PPM1A: variants seen among roughly 807,000 people sequenced by gnomAD.
The protein encoded by PPM1A is protein phosphatase, Mg2+/Mn2+ dependent 1A.
In PPM1A, 7 loss-of-function variants were observed where a neutral mutation model predicts 35.0. The observed-to-expected ratio is 0.20, with a 90% CI of 0.11 to 0.38. The LOEUF is 0.38. PPM1A is among the 10% of genes least tolerant of loss of function. The pLI is 1.00. For synonymous variants in PPM1A, 153 were observed against 167.3 expected, an observed-to-expected ratio of 0.91 and a Z score of 0.66; for missense variants, 239 against 467.8, an observed-to-expected ratio of 0.51 and a Z score of 4.51.
At chr14:60,264,472 A>G (rs867572890) in intron 1 of PPM1A, among the ~76,000 whole-genome samples, 2 of 152,340 alleles carry the variant, frequency 1.3e-5, no homozygotes, top group Middle Eastern at 3.4e-3. Flanking sequence ...TAAAGCACTT[A>G]GAACAGAGCC....
chr14:60,294,093 T>A lies in PPM1A; in HGVS notation c.*1611T>A, dbSNP rs967460982. ...ATTTTGTGTATAAAAACCAGTATAGTCCATTTTGTTATATTTGTTTTTTCC... is the reference window on the plus strand; with the variant it reads ...ATTTTGTGTATAAAAACCAGTATAGACCATTTTGTTATATTTGTTTTTTCC... On this transcript the variant is annotated 3_prime_UTR_variant, in exon 6 of 6. Transcript: ENST00000395076. The A allele has an allele frequency of 4.0e-5, 6 of 151,862 alleles. No individual in the cohort carries two copies. The highest frequency in any genetic ancestry group is 2.0e-4 in the Admixed American group (3 of 15,214). The allele number at this position is 151,862 out of a possible 1,614,324, so 9.4% of individuals were successfully genotyped here.
At chr14:60,277,482 T>C (rs1256533571) in intron 1 of PPM1A, 1 of 152,086 alleles carries the variant, frequency 6.6e-6, no homozygotes, top group Non-Finnish European at 1.5e-5. Context: ...TTTTGTTAGA[T>C]GGTTACTTGG....
rs1887966323 is a variant in PPM1A at position 60,295,229 on chromosome 14, C to A, written c.*2747C>A. 6.6e-6 allele frequency: 1 copy of A among 151,672 alleles called. No individual in the cohort carries two copies. Among genetic ancestry groups the A allele is most frequent in the Non-Finnish European group, 1.5e-5 (1 of 67,724 alleles). 9.4% of individuals were successfully genotyped at this position (151,672 alleles called of 1,614,324 possible). Reference sequence around the variant, plus strand: ...TTTGTATAGCAGGCTCTGTTTTACCCTAACATTAAAAAATTTCACTGATCT... The same window carrying A: ...TTTGTATAGCAGGCTCTGTTTTACCATAACATTAAAAAATTTCACTGATCT... On this transcript the variant is annotated 3_prime_UTR_variant, in exon 6 of 6. Transcript: ENST00000395076.
intron 3 of PPM1A, chr14:60,286,378 A>G (rs1887006360): frequency 2.0e-6 from 2 of 985,596 alleles, no homozygotes; most frequent in African/African-American, 1.7e-5. Context: ...TTTCTGGAGT[A>G]TATTTCTCAT....
At chr14:60,290,419 C>G (rs1036345462) in intron 4 of PPM1A, among the ~76,000 whole-genome samples, 13 of 152,192 alleles carry the variant, frequency 8.5e-5, no homozygotes, top group African/African-American at 3.1e-4. Context: ...GAATATATTT[C>G]TTGTCTTTTC....
At chr14:60,258,218 T>C (rs1883360696) in intron 1 of PPM1A, among the ~76,000 whole-genome samples, 1 of 152,168 alleles carries the variant, frequency 6.6e-6, no homozygotes, top group African/African-American at 2.4e-5. Flanking sequence ...ACTTGTTTTA[T>C]GTAGTAAAAC....
In PPM1A at chr14:60,289,027, T is replaced by G. The variant is rs1353267542; in HGVS notation, c.953-779T>G. On this transcript the variant is annotated intron_variant, in intron 3 of 5. Transcript: ENST00000395076. This position sits in a 1 kb window ranked among gnomAD's most constrained non-coding sequence, Gnocchi z 4.1. The stretch of plus-strand genomic sequence containing the variant: ...ATGTGAATAATAGTATGCATCTGCA[T>G]GACAACACTGCAGATCATATTGCTG... 1.3e-5 allele frequency among the ~76,000 whole-genome samples: 2 copies of G among 152,160 alleles called. No individual in the cohort carries two copies. The highest frequency in any genetic ancestry group is 4.8e-5 in the African/African-American group (2 of 41,476).
At chr14:60,251,407 A>G (rs975209341) in intron 1 of PPM1A, among the ~76,000 whole-genome samples, 1 of 152,200 alleles carries the variant, frequency 6.6e-6, no homozygotes, top group Non-Finnish European at 1.5e-5. Context: ...TACATATTGT[A>G]TCTTTTTACA....
At chr14:60,277,023 T>A in intron 1 of PPM1A, 1 of 1,184,688 alleles carries the variant, frequency 8.4e-7, no homozygotes, top group South Asian at 1.6e-5. Flanking sequence ...TTTGAAAAGT[T>A]CAGATCAACT....
Position 60,249,728 on chromosome 14 carries a change from CGCGGCGGCG to C in PPM1A, c.-21+59_-21+67del. On this transcript the variant is annotated intron_variant, in intron 1 of 5. Coordinates refer to ENST00000395076, the MANE Select transcript of PPM1A (RefSeq NM_021003.5). This position sits in a 1 kb window ranked among gnomAD's most constrained non-coding sequence, Gnocchi z 4.5. ...CGGGCTGGCGGGCGGTGCGGGCCTG[CGCGGCGGCG>C]GCGGCGGGCAGGCCTGGGGCCTGTA... 2.1e-6 allele frequency: 2 copies of C among 968,578 alleles called. No homozygotes were observed. 60.0% of individuals were successfully genotyped at this position (968,578 alleles called of 1,614,324 possible). A position where few individuals can be genotyped will look rare whatever the true frequency, so the allele number is the denominator to read the frequency against.
intron 3 of PPM1A, chr14:60,286,203 C>G (rs896376020): frequency 2.0e-6 from 2 of 986,004 alleles, no homozygotes; most frequent in Admixed American, 1.2e-4. Flanking sequence ...TCATTAGCAA[C>G]TTTATATACA....
At position 60,289,997 on chromosome 14, in the gene PPM1A, T is replaced by A; in HGVS notation, c.1061+83T>A. On this transcript the variant is annotated intron_variant, in intron 4 of 5. Transcript: ENST00000395076. This position sits in a 1 kb window ranked among gnomAD's most constrained non-coding sequence, Gnocchi z 4.1. ...TTCATTGATAAAATGTTTGTTTGCC[T>A]AATTTCTGAACTGATGCAGTTATCT... 1 of 964,870 alleles carries A rather than the reference T, an allele frequency of 1.0e-6. No homozygotes were observed. Among genetic ancestry groups the A allele is most frequent in the Non-Finnish European group, 1.5e-6 (1 of 661,096 alleles). 59.8% of individuals were successfully genotyped at this position (964,870 alleles called of 1,614,324 possible).
chr14:60,285,478 A>ATGCG (rs10624053), intron 2 of PPM1A, 146 bp from the exon 3 acceptor site: 274,396 of 744,210 alleles, frequency 0.37, 61,039 homozygotes, highest in African/African-American at 0.85. Context: ...ACACGCACGC[A>ATGCG]TGCGTGCACA....
upstream of PPM1A, among the ~76,000 whole-genome samples, chr14:60,247,278 A>G (rs1177032962): frequency 6.6e-6 from 1 of 152,130 alleles, no homozygotes; most frequent in African/African-American, 2.4e-5. Flanking sequence ...ACTGAGACCA[A>G]ATGCATAGTG....
chr14:60,286,175 T>C (rs1886984541), intron 3 of PPM1A: 3 of 985,926 alleles, frequency 3.0e-6, no homozygotes, highest in South Asian at 4.7e-5. Context: ...TTTCAATAAC[T>C]TGAAAATCAC....
At chr14:60,257,510 A>G (rs188129692) in intron 1 of PPM1A, among the ~76,000 whole-genome samples, 260 of 152,346 alleles carry the variant, frequency 1.7e-3, no homozygotes, top group Middle Eastern at 3.4e-3. Flanking sequence ...GTATTCATCT[A>G]TAATATGACC....
rs1489594461 is a variant in PPM1A at position 60,273,094 on chromosome 14, A to G, written c.-20-9590A>G. Reference sequence around the variant, plus strand: ...GATAGCTTCTCTGTTTCTCCTTCAGAAAGTCTTGTTTTTTATATGCATATT... The same window carrying G: ...GATAGCTTCTCTGTTTCTCCTTCAGGAAGTCTTGTTTTTTATATGCATATT... On this transcript the variant is annotated intron_variant, in intron 1 of 5. Coordinates refer to ENST00000395076, the MANE Select transcript of PPM1A (RefSeq NM_021003.5). This position sits in a 1 kb window ranked among gnomAD's most constrained non-coding sequence, Gnocchi z 4.3. 6.6e-6 allele frequency among the ~76,000 whole-genome samples: 1 copy of G among 152,126 alleles called. No homozygotes were observed. The highest frequency in any genetic ancestry group is 2.4e-5 in the African/African-American group (1 of 41,412).
chr14:60,286,720 C>T (rs545454166), intron 3 of PPM1A: 2 of 983,812 alleles, frequency 2.0e-6, no homozygotes, highest in South Asian at 4.7e-5. Context: ...CAATCATAAT[C>T]AGTCTGATAC....
At chr14:60,269,212 C>T (rs780725525) in intron 1 of PPM1A, among the ~76,000 whole-genome samples, 16 of 152,150 alleles carry the variant, frequency 1.1e-4, no homozygotes, top group South Asian at 6.2e-4. Flanking sequence ...TAGTGTATTT[C>T]GACCACAACA....
Sources: allele counts gnomAD v4.1 joint callset (sites outside exome capture counted in the v4.1 genomes callset), GRCh38; gene constraint gnomAD v4.1.1; non-coding constraint Gnocchi (gnomAD v3.1); transcripts MANE v1.5; gene names NCBI Gene and HGNC (gene_info 2026-07-23, HGNC 2026-07-21).